The following PCSK6 variants were observed in gnomAD, a reference collection of about 807,000 sequenced individuals.
PCSK6 encodes paired basic amino acid cleaving enzyme 4.
In PCSK6, 85 loss-of-function variants were observed where a neutral mutation model predicts 123.3. The ratio of observed to expected loss-of-function variants is 0.69; its 90% CI spans 0.58 to 0.83. PCSK6 has a LOEUF of 0.83. PCSK6 is among the 40% of genes least tolerant of loss of function. PCSK6 has a pLI of 0.00. For missense variants in PCSK6, 1,191 were observed against 1,282.3 expected (o/e 0.93, Z 1.09); for synonymous variants, 508 against 516.0 (o/e 0.98, Z 0.21).
chr15:101,419,989 TCAGCCTGGC>T (rs1223579435), intron 6 of PCSK6, among the ~76,000 whole-genome samples: 8 of 151,866 alleles, frequency 5.3e-5, no homozygotes, highest in Non-Finnish European at 7.4e-5. Flanking sequence ...GAGTCCGAGA[TCAGCCTGGC>T]CAACATAGTG....
chr15:101,412,717 T>TATA (rs2055740278), intron 6 of PCSK6, among the ~76,000 whole-genome samples: 1 of 108,854 alleles, frequency 9.2e-6, no homozygotes, highest in African/African-American at 3.7e-5. Flanking sequence ...ATATATAAAA[T>TATA]TACCCAATCT....
chr15:101,357,117 A>C (rs2041066813), intron 13 of PCSK6, among the ~76,000 whole-genome samples: 4 of 152,188 alleles, frequency 2.6e-5, no homozygotes, highest in Admixed American at 2.0e-4. Context: ...GATTTGCAGG[A>C]GATTGAAATG....
At chr15:101,486,941 T>C (rs1360565082) in intron 1 of PCSK6, among the ~76,000 whole-genome samples, 2 of 152,228 alleles carry the variant, frequency 1.3e-5, no homozygotes, top group Non-Finnish European at 1.5e-5. Context: ...AGGTGACATA[T>C]GCGTACCATG....
At chr15:101,455,027 A>T (rs1285588273) in intron 1 of PCSK6, among the ~76,000 whole-genome samples, 1 of 151,532 alleles carries the variant, frequency 6.6e-6, no homozygotes, top group Admixed American at 6.6e-5. Flanking sequence ...CTGAGAAAAT[A>T]AAAAAGTTCT....
At position 101,489,587 on chromosome 15, in the gene PCSK6, C is replaced by A. The variant is rs1429777367; in HGVS notation, c.84G>T (p.Gly28=). 1 of 975,822 alleles carries A rather than the reference C, an allele frequency of 1.0e-6. No individual in the cohort carries two copies. The highest frequency in any genetic ancestry group is 1.2e-4 in the East Asian group (1 of 8,458). The allele number at this position is 975,822 out of a possible 1,614,324, so 60.4% of individuals were successfully genotyped here. ...AAATDTAAGA[G]GAGGAGGAGG... ...CGGCGCCCCCCGCGCCCCCCGCGCCCCCCGCGCCCGCGGCGGTGTCGGTGG... is the reference window on the plus strand; with the variant it reads ...CGGCGCCCCCCGCGCCCCCCGCGCCACCCGCGCCCGCGGCGGTGTCGGTGG... The change falls in exon 1 of 22, where the codon GGG becomes GGT. Residue 28 remains glycine, a synonymous_variant. Coordinates refer to ENST00000611716, the MANE Select transcript of PCSK6 (RefSeq NM_002570.5).
chr15:101,483,990 A>G (rs1409284555), intron 1 of PCSK6, among the ~76,000 whole-genome samples: 1 of 152,088 alleles, frequency 6.6e-6, no homozygotes, highest in African/African-American at 2.4e-5. Context: ...TCTCTCTTCA[A>G]TGTTTTATGT....
intron 13 of PCSK6, among the ~76,000 whole-genome samples, chr15:101,356,021 C>T (rs1228536647): frequency 1.3e-5 from 2 of 152,206 alleles, no homozygotes; most frequent in Non-Finnish European, 2.9e-5. Context: ...GAGGATCCAA[C>T]CCCAGGCCTG....
At chr15:101,488,449 C>G (rs1391061807) in intron 1 of PCSK6, among the ~76,000 whole-genome samples, 3 of 152,184 alleles carry the variant, frequency 2.0e-5, no homozygotes, top group African/African-American at 4.8e-5. Flanking sequence ...GTGCCCAGGG[C>G]GTGGCCTGCT....
At chr15:101,471,648 A>G (rs1461726662) in intron 1 of PCSK6, among the ~76,000 whole-genome samples, 1 of 152,230 alleles carries the variant, frequency 6.6e-6, no homozygotes, top group Non-Finnish European at 1.5e-5. Context: ...TTGAGATAAA[A>G]TTTAGATATG....
chr15:101,318,488 G>C (rs1207159418), intron 18 of PCSK6, 66 bp from the exon 19 acceptor site: 14 of 1,300,142 alleles, frequency 1.1e-5, no homozygotes, highest in Non-Finnish European at 1.5e-5. Context: ...TTGCCCTCTA[G>C]CACCTTTCCC....
At chr15:101,324,444 T>C (rs911836535) in intron 17 of PCSK6, among the ~76,000 whole-genome samples, 18 of 152,188 alleles carry the variant, frequency 1.2e-4, no homozygotes, top group Non-Finnish European at 1.0e-4. Context: ...GCCGATGGCA[T>C]AGTCTTTCCT....
intron 6 of PCSK6, among the ~76,000 whole-genome samples, chr15:101,399,050 A>G (rs1431197708): frequency 1.3e-5 from 2 of 152,082 alleles, no homozygotes; most frequent in Non-Finnish European, 2.9e-5. Flanking sequence ...CTACAGGCAC[A>G]TACCACCATG....
intron 6 of PCSK6, among the ~76,000 whole-genome samples, chr15:101,406,127 G>C (rs2042771562): frequency 1.3e-5 from 2 of 152,154 alleles, no homozygotes; most frequent in Non-Finnish European, 2.9e-5. Flanking sequence ...GCCGGCCCCA[G>C]TCAGCACGAG....
At chr15:101,465,244 G>A (rs115792361) in intron 1 of PCSK6, among the ~76,000 whole-genome samples, 2,397 of 152,290 alleles carry the variant, frequency 0.016, 67 homozygotes, top group African/African-American at 0.053. Flanking sequence ...GTTGCCAGGC[G>A]GCTGTGTGCT....
chr15:101,426,458 C>T (rs1248335946), intron 6 of PCSK6, among the ~76,000 whole-genome samples: 2 of 152,186 alleles, frequency 1.3e-5, no homozygotes, highest in East Asian at 3.9e-4. Context: ...CCAGGGAGAA[C>T]TTATATATCT....
At chr15:101,385,917 T>C (rs900135961) in intron 9 of PCSK6, among the ~76,000 whole-genome samples, 1 of 152,218 alleles carries the variant, frequency 6.6e-6, no homozygotes, top group Non-Finnish European at 1.5e-5. Flanking sequence ...GTCGGTTAAA[T>C]TGATGCCTAC....
chr15:101,329,399 G>A (rs72770737), intron 15 of PCSK6, among the ~76,000 whole-genome samples: 33,054 of 152,086 alleles, frequency 0.22, 4,106 homozygotes, highest in African/African-American at 0.31. Flanking sequence ...GAGCAGTATC[G>A]GACCCGAGAG....
chr15:101,467,938 GTAA>G (rs2057505806), intron 1 of PCSK6, among the ~76,000 whole-genome samples: 1 of 152,192 alleles, frequency 6.6e-6, no homozygotes, highest in Admixed American at 6.5e-5. Flanking sequence ...GGTAATACTG[GTAA>G]TAGCCTAGTC....
At chr15:101,375,709 G>A (rs189043402) in intron 11 of PCSK6, among the ~76,000 whole-genome samples, 80 of 152,204 alleles carry the variant, frequency 5.3e-4, no homozygotes, top group African/African-American at 1.8e-3. Context: ...AGGCAACACC[G>A]CCTGTTGGTG....
Sources: gnomAD v4.1 joint callset for allele counts (sites outside exome capture counted in the v4.1 genomes callset) on GRCh38, gnomAD v4.1.1 for gene constraint, MANE v1.5 for transcripts, NCBI Gene and HGNC (gene_info 2026-07-23, HGNC 2026-07-21) for gene names.